Variants in IKZF1 observed in about 807,000 individuals in gnomAD.
The protein encoded by IKZF1 is IKAROS family zinc finger 1, also known as DNA-binding protein Ikaros.
IKZF1 carries 10 observed loss-of-function variants against 51.7 expected under a neutral mutation model. That is an observed-to-expected ratio of 0.19 (90% CI 0.12 to 0.33). IKZF1 has a LOEUF of 0.33. Ranked by LOEUF, IKZF1 falls within the 10% of genes least tolerant of loss-of-function variation. IKZF1 has a pLI of 1.00. For missense variants in IKZF1, 484 were observed against 707.5 expected (o/e 0.68, Z 3.58); for synonymous variants, 280 against 282.3 (o/e 0.99, Z 0.08).
At chr7:50,379,417 G>T (rs552816347) in intron 4 of IKZF1, among the ~76,000 whole-genome samples, 8 of 152,314 alleles carry the variant, frequency 5.3e-5, no homozygotes, top group Non-Finnish European at 1.0e-4. Context: ...AGTACCACTG[G>T]CGCCATTTTC....
At chr7:50,348,918 A>G (rs1801100659) in intron 3 of IKZF1, among the ~76,000 whole-genome samples, 1 of 152,106 alleles carries the variant, frequency 6.6e-6, no homozygotes, top group Admixed American at 6.5e-5. Context: ...GGCCCTTTCT[A>G]TGCTTCACAG....
intron 3 of IKZF1, among the ~76,000 whole-genome samples, chr7:50,363,633 C>T (rs1243708539): frequency 2.0e-5 from 3 of 152,232 alleles, no homozygotes; most frequent in Non-Finnish European, 4.4e-5. Flanking sequence ...TGTGCATGTG[C>T]AGTCCATAGA....
chr7:50,343,602 G>A, intron 3 of IKZF1, among the ~76,000 whole-genome samples: 1 of 152,222 alleles, frequency 6.6e-6, no homozygotes, highest in Non-Finnish European at 1.5e-5. Context: ...TGTACAAGAG[G>A]CTTGTGCCAG....
At chr7:50,324,433 T>C (rs1006638990) in intron 2 of IKZF1, among the ~76,000 whole-genome samples, 3 of 152,192 alleles carry the variant, frequency 2.0e-5, no homozygotes, top group African/African-American at 7.2e-5. Context: ...GTTCTGACTC[T>C]TTACTAGATG....
At chr7:50,337,905 A>G (rs1584584262) in intron 3 of IKZF1, among the ~76,000 whole-genome samples, 2 of 152,198 alleles carry the variant, frequency 1.3e-5, no homozygotes, top group Admixed American at 1.3e-4. Flanking sequence ...AAATGTCTCC[A>G]CATTTCTCAG....
rs1039310920 is a variant in IKZF1, at chr7:50,319,762, A to G, written c.40+661A>G. On this transcript the variant is annotated intron_variant, in intron 2 of 7. Transcript: ENST00000331340. ...GGCGTCAGCCCCAGTAGCAGCTTTCATGGACTTTGGGGTTTTCGGTATTTC... is the reference window on the plus strand; with the variant it reads ...GGCGTCAGCCCCAGTAGCAGCTTTCGTGGACTTTGGGGTTTTCGGTATTTC... 2.6e-5 allele frequency among the ~76,000 whole-genome samples: 4 copies of G among 152,198 alleles called. No individual in the cohort carries two copies. In the East Asian group the frequency reaches 5.8e-4, roughly 22 times the overall value.
rs980391084 is a variant in IKZF1 at position 50,320,251 on chromosome 7, CTT to C, written c.40+1154_40+1155del. Among the ~76,000 whole-genome samples, 16 of 151,990 alleles carry C rather than the reference CTT, an allele frequency of 1.1e-4. 1 individual carries two copies. Among genetic ancestry groups the C allele is most frequent in the Admixed American group, 6.5e-5 (1 of 15,278 alleles). ...TCATGAATGAGAATTATATAATTCT[CTT>C]TTTGTATATCATTGAATATTTTCAC... On this transcript the variant is annotated intron_variant, in intron 2 of 7. Coordinates refer to ENST00000331340, the MANE Select transcript of IKZF1 (RefSeq NM_006060.6).
chr7:50,314,357 G>A (rs1250280796), intron 1 of IKZF1, among the ~76,000 whole-genome samples: 1 of 152,146 alleles, frequency 6.6e-6, no homozygotes, highest in Non-Finnish European at 1.5e-5. Context: ...TGATCCGCCT[G>A]CCTCGGCCTC....
chr7:50,339,066 A>T (rs878977027), intron 3 of IKZF1, among the ~76,000 whole-genome samples: 2,787 of 152,314 alleles, frequency 0.018, 55 homozygotes, highest in Middle Eastern at 0.044. Flanking sequence ...GAGTATTTAC[A>T]CCACAGAAAT....
chr7:50,359,128 G>A (rs1804441911), intron 3 of IKZF1, among the ~76,000 whole-genome samples: 1 of 152,108 alleles, frequency 6.6e-6, no homozygotes, highest in African/African-American at 2.4e-5. Flanking sequence ...GGGCATGGTG[G>A]CATATTCCAA....
In IKZF1 at chr7:50,400,105, G is replaced by T; in HGVS notation, c.1038G>T (p.Pro346=). 6.4e-7 allele frequency: 1 copy of T among 1,563,256 alleles called. No individual in the cohort carries two copies. Among genetic ancestry groups the T allele is most frequent in the Non-Finnish European group, 8.6e-7 (1 of 1,156,670 alleles). Reference sequence around the variant, plus strand: ...CCGAGGTGGTCCCGGTCATCAGCCCGATGTACCAGCTGCACAAGCCGCTCG... The same window carrying T: ...CCGAGGTGGTCCCGGTCATCAGCCCTATGTACCAGCTGCACAAGCCGCTCG... ...GGSEVVPVIS[P]MYQLHKPLAE... The change falls in exon 8 of 8, where the codon CCG becomes CCT. Residue 346 remains proline (P), a synonymous_variant. Transcript: ENST00000331340. The surrounding 1 kb of genome is among the most constrained non-coding windows in gnomAD (Gnocchi z 5.4).
intron 2 of IKZF1, among the ~76,000 whole-genome samples, chr7:50,320,059 C>T (rs571058028): frequency 6.6e-6 from 1 of 152,246 alleles, no homozygotes; most frequent in Non-Finnish European, 1.5e-5. Flanking sequence ...TCCACCACTC[C>T]TCAGCCGCTC....
At chr7:50,349,025 A>G (rs1489794665) in intron 3 of IKZF1, among the ~76,000 whole-genome samples, 2 of 152,212 alleles carry the variant, frequency 1.3e-5, no homozygotes, top group East Asian at 3.9e-4. Flanking sequence ...TCATGGGGTC[A>G]GCCAGTTTAT....
At chr7:50,348,865 G>T (rs1012415320) in intron 3 of IKZF1, among the ~76,000 whole-genome samples, 2 of 152,184 alleles carry the variant, frequency 1.3e-5, no homozygotes, top group Non-Finnish European at 2.9e-5. Flanking sequence ...CCCACTGGCC[G>T]TGGGGCAGTT....
rs1562911858 is a variant in IKZF1, at chr7:50,400,183, CCTG to C, written c.1125_1127del (p.Leu376del). 6.4e-7 allele frequency: 1 copy of C among 1,570,254 alleles called. No homozygotes were observed. Among genetic ancestry groups the C allele is most frequent in the Non-Finnish European group, 8.6e-7 (1 of 1,159,132 alleles). On this transcript the variant is annotated inframe_deletion, in exon 8 of 8. Coordinates refer to ENST00000331340, the MANE Select transcript of IKZF1 (RefSeq NM_006060.6). This position sits in a 1 kb window ranked among gnomAD's most constrained non-coding sequence, Gnocchi z 5.4. ...CGGCCCAGGACAGCGCCGTGGAGAA[CCTG>C]CTGCTGCTCTCCAAGGCCAAGTTGG...
In IKZF1 at chr7:50,400,571, C is replaced by T. The variant is rs2153519857; in HGVS notation, c.1504C>T (p.Arg502Trp). The T allele has an allele frequency of 6.2e-7, 1 of 1,613,752 alleles. No individual in the cohort carries two copies. The highest frequency in any genetic ancestry group is 8.5e-7 in the Non-Finnish European group (1 of 1,179,920). Residue 502 changes from arginine (R) to tryptophan (W), a missense_variant, in exon 8 of 8, where the codon CGG becomes TGG. Arg to Trp is a moderately radical substitution (Grantham distance 101). Transcript: ENST00000331340. This position sits in a 1 kb window ranked among gnomAD's most constrained non-coding sequence, Gnocchi z 5.4. ...CATGTGCGGCTACCACAGCCAGGAC[C>T]GGTACGAGTTCTCGTCGCACATAAC... Reference protein sequence around the residue: ...CNMCGYHSQDRYEFSSHITRG... With the variant: ...CNMCGYHSQDWYEFSSHITRG...
At chr7:50,342,837 C>A (rs1025801954) in intron 3 of IKZF1, among the ~76,000 whole-genome samples, 7 of 152,176 alleles carry the variant, frequency 4.6e-5, no homozygotes, top group African/African-American at 1.7e-4. Context: ...TGCTGCTAAC[C>A]GCTGCTCTTC....
chr7:50,312,358 G>A (rs1170953698), intron 1 of IKZF1, among the ~76,000 whole-genome samples: 1 of 152,074 alleles, frequency 6.6e-6, no homozygotes, highest in Non-Finnish European at 1.5e-5. Flanking sequence ...TCTCCTCTCC[G>A]TGTGAACCGT....
At chr7:50,312,074 G>A (rs1790313819) in intron 1 of IKZF1, among the ~76,000 whole-genome samples, 1 of 152,176 alleles carries the variant, frequency 6.6e-6, no homozygotes, top group South Asian at 2.1e-4. Flanking sequence ...TTGCTGCACA[G>A]CTCCTGACCA....
Sources: gnomAD v4.1 joint callset for allele counts (sites outside exome capture counted in the v4.1 genomes callset) on GRCh38, gnomAD v4.1.1 for gene constraint, Gnocchi (gnomAD v3.1) non-coding constraint, MANE v1.5 for transcripts, NCBI Gene and HGNC (gene_info 2026-07-23, HGNC 2026-07-21) for gene names.